The following SCARA5 variants were observed in gnomAD, a reference collection of about 807,000 sequenced individuals.
SCARA5 encodes scavenger receptor class A member 5.
In SCARA5, 45 loss-of-function variants were observed where a neutral mutation model predicts 46.3. That is an observed-to-expected ratio of 0.97 (90% CI 0.76 to 1.24). The LOEUF (loss-of-function observed/expected upper bound fraction) is 1.24. Ranked by LOEUF, SCARA5 falls within the 50% of genes most tolerant of loss-of-function variation. SCARA5 has a pLI of 0.00. For synonymous variants in SCARA5, 333 were observed against 306.5 expected (o/e 1.09, Z -0.90); for missense variants, 680 against 689.0 (o/e 0.99, Z 0.15).
chr8:27,904,883 T>C (rs890153920), intron 6 of SCARA5, 49 bp from the exon 7 acceptor site: 2 of 1,463,490 alleles, frequency 1.4e-6, no homozygotes, highest in African/African-American at 2.8e-5. Context: ...AAATCCTAAT[T>C]GTGAATAAAA....
intron 3 of SCARA5, among the ~76,000 whole-genome samples, chr8:27,953,403 A>G (rs368767843): frequency 5.9e-5 from 9 of 152,362 alleles, no homozygotes; most frequent in Middle Eastern, 3.4e-3. Flanking sequence ...TGCTCTGTCC[A>G]GCCCCTCAGG....
At chr8:27,946,098 T>C (rs1191042334) in intron 3 of SCARA5, among the ~76,000 whole-genome samples, 1 of 152,190 alleles carries the variant, frequency 6.6e-6, no homozygotes, top group East Asian at 1.9e-4. Context: ...CAGTGAGAAA[T>C]TTATCACTCT....
chr8:27,969,824 A>ATCT (rs1808421826), intron 2 of SCARA5, among the ~76,000 whole-genome samples: 1 of 152,170 alleles, frequency 6.6e-6, no homozygotes. Flanking sequence ...ACTACTATTA[A>ATCT]AAAACAAAGT....
intron 8 of SCARA5, among the ~76,000 whole-genome samples, chr8:27,872,912 T>C (rs1359901579): frequency 6.6e-6 from 1 of 152,110 alleles, no homozygotes; most frequent in Non-Finnish European, 1.5e-5. Flanking sequence ...ACCAATACAA[T>C]GGGAACACGG....
chr8:27,887,308 G>C (rs541305397), intron 7 of SCARA5, among the ~76,000 whole-genome samples: 2 of 152,274 alleles, frequency 1.3e-5, no homozygotes, highest in African/African-American at 4.8e-5. Flanking sequence ...GTGGGTATCT[G>C]ATTTGCACCC....
intron 5 of SCARA5, among the ~76,000 whole-genome samples, chr8:27,907,572 C>CTTTTTTT (rs144977060): frequency 5.1e-5 from 5 of 97,272 alleles, no homozygotes; most frequent in East Asian, 3.9e-4. Flanking sequence ...TCAGCAAACA[C>CTTTTTTT]TTTTTTTTTT....
intron 8 of SCARA5, among the ~76,000 whole-genome samples, chr8:27,878,365 T>C (rs1806757612): frequency 6.6e-6 from 1 of 152,156 alleles, no homozygotes; most frequent in Non-Finnish European, 1.5e-5. Context: ...CACTACTGAA[T>C]GGGTGTGGGG....
chr8:27,980,823 C>A (rs1808603457), intron 2 of SCARA5, among the ~76,000 whole-genome samples: 1 of 152,208 alleles, frequency 6.6e-6, no homozygotes. Context: ...AAGGAACTTG[C>A]TCAATTTCCT....
chr8:27,882,252 T>A (rs1806823590), intron 7 of SCARA5, among the ~76,000 whole-genome samples: 1 of 152,228 alleles, frequency 6.6e-6, no homozygotes, highest in Non-Finnish European at 1.5e-5. Context: ...TGAATGGTAT[T>A]CCATTTTCTA....
chr8:27,875,479 C>A (rs1806710076), intron 8 of SCARA5, among the ~76,000 whole-genome samples: 1 of 152,060 alleles, frequency 6.6e-6, no homozygotes, highest in South Asian at 2.1e-4. Flanking sequence ...AAAAGCTTCC[C>A]TCAGGAAAGA....
intron 5 of SCARA5, among the ~76,000 whole-genome samples, chr8:27,909,324 C>G (rs953123479): frequency 1.5e-4 from 23 of 152,150 alleles, no homozygotes; most frequent in African/African-American, 5.3e-4. Flanking sequence ...GATGGGACAG[C>G]ATCTTCAAAG....
chr8:27,984,547 TCCATCCATTCATTCAC>T (rs1200737265), intron 2 of SCARA5, among the ~76,000 whole-genome samples: 41 of 152,272 alleles, frequency 2.7e-4, no homozygotes, highest in East Asian at 9.6e-4. Context: ...CATTCATCCA[TCCATCCATTCATTCAC>T]CCATCCATTC....
intron 2 of SCARA5, among the ~76,000 whole-genome samples, chr8:27,966,806 TC>T (rs1371388726): frequency 6.6e-6 from 1 of 152,114 alleles, no homozygotes; most frequent in Non-Finnish European, 1.5e-5. Flanking sequence ...AAAAACCAAC[TC>T]TTCTTGAGCT....
chr8:27,974,649 A>T (rs2727006), intron 2 of SCARA5, among the ~76,000 whole-genome samples: 4 of 151,766 alleles, frequency 2.6e-5, no homozygotes, highest in Non-Finnish European at 4.4e-5. Flanking sequence ...CTGACTTCAC[A>T]ATGGTTACTC....
At chr8:27,879,878 C>A in intron 7 of SCARA5, 112 bp from the exon 8 acceptor site, 2 of 998,434 alleles carry the variant, frequency 2.0e-6, no homozygotes, top group Non-Finnish European at 1.5e-6. Context: ...GGGCTGGGGC[C>A]CAGCTGTATC....
rs777712688 is a variant in SCARA5 at position 27,921,608 on chromosome 8, C to T, written c.879G>A (p.Glu293=). 6.3e-7 allele frequency: 1 copy of T among 1,589,804 alleles called. No individual in the cohort carries two copies. The highest frequency in any genetic ancestry group is 1.1e-5 in the South Asian group (1 of 87,476). Reference sequence around the variant, plus strand: ...AGATGTTCCGCAGTGCGATGGAGTGCTCCCAGTCCTTGAGGCGCAGGTCCT... The same window carrying T: ...AGATGTTCCGCAGTGCGATGGAGTGTTCCCAGTCCTTGAGGCGCAGGTCCT... ...VTEDLRLKDW[E]HSIALRNISL... Residue 293 remains glutamate (E), a synonymous_variant, in exon 4 of 9, where the codon GAG becomes GAA. Transcript: ENST00000354914.
intron 7 of SCARA5, among the ~76,000 whole-genome samples, chr8:27,895,282 C>T (rs1382536443): frequency 1.3e-5 from 2 of 152,154 alleles, no homozygotes; most frequent in African/African-American, 4.8e-5. Context: ...GAAAGAACTC[C>T]CCGTGCCCCC....
At chr8:27,886,968 C>G (rs766460750) in intron 7 of SCARA5, among the ~76,000 whole-genome samples, 2 of 152,162 alleles carry the variant, frequency 1.3e-5, no homozygotes, top group African/African-American at 2.4e-5. Flanking sequence ...AACGGGGCTA[C>G]TGGAGTCAGG....
At chr8:27,935,671 A>G (rs1041693835) in intron 3 of SCARA5, among the ~76,000 whole-genome samples, 1 of 152,154 alleles carries the variant, frequency 6.6e-6, no homozygotes, top group African/African-American at 2.4e-5. Context: ...CAGCCAGGCC[A>G]GAGGACCCGG....
Sources: gnomAD v4.1 joint callset for allele counts (sites outside exome capture counted in the v4.1 genomes callset) on GRCh38, gnomAD v4.1.1 for gene constraint, MANE v1.5 for transcripts, NCBI Gene and HGNC (gene_info 2026-07-23, HGNC 2026-07-21) for gene names.